ZAP70: variants seen among roughly 807,000 people sequenced by gnomAD.
ZAP70 encodes the protein tyrosine-protein kinase ZAP-70.
Under a neutral mutation model 65.8 loss-of-function variants are expected in ZAP70, and 27 were observed. That is an observed-to-expected ratio of 0.41 (90% CI 0.30 to 0.57). ZAP70 has a LOEUF of 0.57. Among genes scored for constraint, ZAP70 ranks in the 20% least tolerant of loss-of-function variants. The probability of loss-of-function intolerance (pLI) is 0.28; values close to 1 mark genes in which losing one functional copy is unlikely to be tolerated. For missense variants in ZAP70, 696 were observed against 870.5 expected (o/e 0.80, Z 2.52); for synonymous variants, 363 against 360.8 (o/e 1.01, Z -0.07).
chr2:97,725,801 G>A (rs1677365906), intron 4 of ZAP70, among the ~76,000 whole-genome samples: 1 of 152,348 alleles, frequency 6.6e-6, no homozygotes, highest in South Asian at 2.1e-4. Context: ...AAGAAGCTGA[G>A]GAGTGAGCTG....
chr2:97,719,310 A>G (rs2167008), intron 2 of ZAP70, among the ~76,000 whole-genome samples: 6,056 of 141,636 alleles, frequency 0.043, 358 homozygotes, highest in East Asian at 0.14. Flanking sequence ...GGCAGCATGT[A>G]CAGCTACTGA....
rs6736752 is a variant in ZAP70, at chr2:97,720,012, G to A, written c.-21-4004G>A. On this transcript the variant is annotated intron_variant, in intron 2 of 13. Transcript: ENST00000264972. ...TGCGTTTGCGGAACTGCGTGTCTCC[G>A]TATGCTGTTCCACTTACCGCGGAGT... Among the ~76,000 whole-genome samples the A allele has an allele frequency of 2.3e-3, 356 of 152,268 alleles. 1 individual carries two copies. Among genetic ancestry groups the A allele is most frequent in the African/African-American group, 8.2e-3 (342 of 41,532 alleles).
At chr2:97,734,997 C>A in intron 9 of ZAP70, 1 of 647,578 alleles carries the variant, frequency 1.5e-6, no homozygotes, top group Non-Finnish European at 2.6e-6. Context: ...CCCTGACAGG[C>A]TGCCCCTGGG....
downstream of ZAP70, among the ~76,000 whole-genome samples, chr2:97,741,347 C>G (rs113607845): frequency 0.013 from 2,009 of 152,344 alleles, 48 homozygotes; most frequent in African/African-American, 0.046. Context: ...CGCGGACTCC[C>G]CTCTGGGCCT....
At chr2:97,734,183 G>C in intron 8 of ZAP70, 1 of 399,234 alleles carries the variant, frequency 2.5e-6, no homozygotes, top group Middle Eastern at 7.3e-4. Context: ...GCTGTGTGCT[G>C]CATACGCAGA....
At chr2:97,743,482 C>T (rs1394388110), downstream of ZAP70, among the ~76,000 whole-genome samples, 1 of 152,166 alleles carries the variant, frequency 6.6e-6, no homozygotes, top group Non-Finnish European at 1.5e-5. Flanking sequence ...ACTACAGGCA[C>T]CCGCCACCAT....
chr2:97,752,236 C>T, the ZAP70 span, among the ~76,000 whole-genome samples: 1 of 152,200 alleles, frequency 6.6e-6, no homozygotes, highest in Non-Finnish European at 1.5e-5. Context: ...CTCACGTCTA[C>T]ATTTAAATGT....
the ZAP70 span, among the ~76,000 whole-genome samples, chr2:97,747,825 T>TG: frequency 9.4e-5 from 12 of 127,420 alleles, no homozygotes; most frequent in African/African-American, 3.4e-4. Context: ...GTTTTTTTTT[T>TG]TTTTTTTTTT....
chr2:97,734,984 GGCCCCTGACAGGCT>G, intron 9 of ZAP70: 2 of 647,240 alleles, frequency 3.1e-6, no homozygotes, highest in Non-Finnish European at 5.3e-6. Flanking sequence ...TGAGTCCACT[GGCCCCTGACAGGCT>G]GCCCCTGGGG....
chr2:97,723,291 C>T (rs1677231181), intron 2 of ZAP70, among the ~76,000 whole-genome samples: 1 of 152,238 alleles, frequency 6.6e-6, no homozygotes, highest in African/African-American at 2.4e-5. Flanking sequence ...GCGAGGGGTG[C>T]CTGCTAAGGC....
the ZAP70 span, among the ~76,000 whole-genome samples, chr2:97,753,117 A>G: frequency 6.6e-6 from 1 of 152,234 alleles, no homozygotes; most frequent in African/African-American, 2.4e-5. Context: ...GAATGTGATG[A>G]TGAGGCCTGA....
At chr2:97,740,030 C>T (rs554609822), downstream of ZAP70, among the ~76,000 whole-genome samples, 9 of 152,206 alleles carry the variant, frequency 5.9e-5, no homozygotes, top group South Asian at 2.1e-4. Flanking sequence ...TGTGAGTGAG[C>T]GGCTGGGGTG....
Position 97,739,667 on chromosome 2 carries a change from T to A in ZAP70, c.*169T>A. On this transcript the variant is annotated 3_prime_UTR_variant, in exon 14 of 14. Coordinates refer to ENST00000264972, the MANE Select transcript of ZAP70 (RefSeq NM_001079.4). ...CTTGCATTGCCTGCCTGGCCCCCTGTCCTCTCTGGCTGGGGAGCAGGGAGG... is the reference window on the plus strand; with the variant it reads ...CTTGCATTGCCTGCCTGGCCCCCTGACCTCTCTGGCTGGGGAGCAGGGAGG... 9.1e-7 allele frequency: 1 copy of A among 1,093,334 alleles called. No individual in the cohort carries two copies. Among genetic ancestry groups the A allele is most frequent in the South Asian group, 1.6e-5 (1 of 64,404 alleles). 67.7% of individuals were successfully genotyped at this position (1,093,334 alleles called of 1,614,324 possible).
At chr2:97,724,685 G>A (rs1455764365) in intron 3 of ZAP70, 4 of 1,523,704 alleles carry the variant, frequency 2.6e-6, no homozygotes, top group South Asian at 1.2e-5. Context: ...AGATGGGAAG[G>A]TAGAGGGACG....
rs199863426 is a variant in ZAP70 at position 97,734,657 on chromosome 2, G to T, written c.1027G>T (p.Glu343Ter). 1 of 1,614,206 alleles carries T rather than the reference G, an allele frequency of 6.2e-7. No homozygotes were observed. The highest frequency in any genetic ancestry group is 8.5e-7 in the Non-Finnish European group (1 of 1,180,040). ...CGATAACCTCCTCATAGCTGACATT[G>T]AACTTGGCTGCGGCAACTTTGGCTC... is the stretch of plus-strand genomic sequence containing the variant. ...KRDNLLIADI[E>*]LGCGNFGSVR... The change falls in exon 9 of 14, where the codon GAA (glutamate) becomes TAA (stop). Residue 343 changes from glutamate (E) to a stop codon, truncating the protein, a stop_gained. Transcript: ENST00000264972. LOFTEE classifies it high-confidence loss of function.
chr2:97,722,759 C>G (rs2104657124), intron 2 of ZAP70, among the ~76,000 whole-genome samples: 1 of 152,334 alleles, frequency 6.6e-6, no homozygotes, highest in South Asian at 2.1e-4. Context: ...TGACAGAAAT[C>G]AACTGTGTCT....
the ZAP70 span, among the ~76,000 whole-genome samples, chr2:97,754,651 C>T: frequency 6.6e-6 from 1 of 152,226 alleles, no homozygotes; most frequent in African/African-American, 2.4e-5. Context: ...GATCCGCCCA[C>T]CTCGGCCTCC....
chr2:97,723,650 G>A (rs1298380558), intron 2 of ZAP70, among the ~76,000 whole-genome samples: 1 of 152,240 alleles, frequency 6.6e-6, no homozygotes, highest in East Asian at 1.9e-4. Flanking sequence ...GGAGGACGGG[G>A]TGGGACCGCG....
intron 13 of ZAP70, among the ~76,000 whole-genome samples, chr2:97,738,833 C>A (rs1490616294): frequency 6.6e-6 from 1 of 152,046 alleles, no homozygotes; most frequent in African/African-American, 2.4e-5. Context: ...ACCCAGGGCA[C>A]CACACCCCAG....
Sources: allele counts gnomAD v4.1 joint callset (sites outside exome capture counted in the v4.1 genomes callset), GRCh38; gene constraint gnomAD v4.1.1; transcripts MANE v1.5; gene names NCBI Gene and HGNC (gene_info 2026-07-23, HGNC 2026-07-21).